Variants in SLC4A5 observed in about 807,000 individuals in gnomAD.
The protein encoded by SLC4A5 is solute carrier family 4 member 5.
In SLC4A5, 96 loss-of-function variants were observed where a neutral mutation model predicts 120.4. The ratio of observed to expected loss-of-function variants is 0.80; its 90% CI spans 0.68 to 0.94. SLC4A5 has a LOEUF of 0.94. Among genes scored for constraint, SLC4A5 ranks in the 40% least tolerant of loss-of-function variants. The pLI, the probability that SLC4A5 is intolerant of heterozygous loss-of-function variation, is 0.00. For missense variants in SLC4A5, 1,259 were observed against 1,459.5 expected (o/e 0.86, Z 2.24); for synonymous variants, 550 against 571.1 (o/e 0.96, Z 0.53).
intron 7 of SLC4A5, chr2:74,290,759 T>G: frequency 1.0e-6 from 1 of 986,210 alleles, no homozygotes; most frequent in Non-Finnish European, 1.2e-6. Flanking sequence ...AAGCCGGGTC[T>G]CCACAGCAGC....
intron 28 of SLC4A5, 56 bp downstream of exon 28, chr2:74,224,784 G>C: frequency 1.3e-6 from 2 of 1,575,080 alleles, no homozygotes; most frequent in Middle Eastern, 2.3e-4. Flanking sequence ...CCTGGCAAAA[G>C]TGGAGAGAAG....
intron 25 of SLC4A5, among the ~76,000 whole-genome samples, chr2:74,229,967 G>C (rs1369236655): frequency 1.4e-5 from 2 of 148,094 alleles, no homozygotes; most frequent in African/African-American, 5.0e-5. Context: ...CTGCAGCCTC[G>C]ACCTCCTGGA....
At chr2:74,298,199 C>G (rs1177405473) in intron 7 of SLC4A5, among the ~76,000 whole-genome samples, 2 of 152,126 alleles carry the variant, frequency 1.3e-5, no homozygotes, top group African/African-American at 4.8e-5. Context: ...GTAATCTAAA[C>G]AGTATGGTAC....
chr2:74,291,729 CAT>C (rs1672178506), intron 7 of SLC4A5, among the ~76,000 whole-genome samples: 1 of 152,226 alleles, frequency 6.6e-6, no homozygotes, highest in Admixed American at 6.5e-5. Flanking sequence ...CTCAGCCTCC[CAT>C]AGTGTTGGGA....
intron 8 of SLC4A5, among the ~76,000 whole-genome samples, chr2:74,281,471 AT>A (rs1179323841): frequency 6.6e-6 from 1 of 152,146 alleles, no homozygotes; most frequent in Non-Finnish European, 1.5e-5. Context: ...ACCCAATCTG[AT>A]CCAGCCCTCC....
At position 74,284,331 on chromosome 2, in the gene SLC4A5, C is replaced by T. The variant is rs1461356782; in HGVS notation, c.401+1442G>A. 9.4e-5 allele frequency among the ~76,000 whole-genome samples: 11 copies of T among 116,710 alleles called. 2 individuals are homozygous for T. The highest frequency in any genetic ancestry group is 7.6e-4 in the South Asian group (3 of 3,934). 76.6% of individuals were successfully genotyped at this position (116,710 alleles called of 152,430 possible). On this transcript the variant is annotated intron_variant, in intron 8 of 30. Coordinates refer to ENST00000394019, the Ensembl canonical transcript of SLC4A5. ...AGCTGGGACTACAGGCGCCCGCCAC[C>T]GCGCCCGGCTAATTTTTTTTTTGTA...
intron 27 of SLC4A5, among the ~76,000 whole-genome samples, chr2:74,226,467 C>T (rs1047140183): frequency 6.6e-6 from 1 of 152,350 alleles, no homozygotes; most frequent in South Asian, 2.1e-4. Context: ...TAACCTTTCC[C>T]TTGCTCAAGC....
At chr2:74,222,142 C>G (rs1694672234) in intron 29 of SLC4A5, among the ~76,000 whole-genome samples, 1 of 152,156 alleles carries the variant, frequency 6.6e-6, no homozygotes, top group South Asian at 2.1e-4. Context: ...TGCTATGCTA[C>G]CTATTTCTCT....
chr2:74,276,829 T>C (rs1478069270), intron 8 of SLC4A5, among the ~76,000 whole-genome samples: 2 of 151,926 alleles, frequency 1.3e-5, no homozygotes, highest in African/African-American at 2.4e-5. Flanking sequence ...AGATTCTCCA[T>C]GAAGAATTTG....
rs756882296 is a variant in SLC4A5 at position 74,262,127 on chromosome 2, A to G, written c.811+10T>C. ...TAAAGCTGCCACAGAGCGGCAGAGC[A>G]CACACTCACACAGACGTCCGTAATT... is the stretch of plus-strand genomic sequence containing the variant. On this transcript the variant is annotated intron_variant, in intron 11 of 30. Coordinates refer to ENST00000394019, the Ensembl canonical transcript of SLC4A5. 11 of 1,612,332 alleles carry G rather than the reference A, an allele frequency of 6.8e-6. No homozygotes were observed. Among genetic ancestry groups the G allele is most frequent in the Non-Finnish European group, 7.6e-6 (9 of 1,178,878 alleles).
chr2:74,317,612 C>T (rs1453535277), intron 5 of SLC4A5, among the ~76,000 whole-genome samples: 1 of 152,134 alleles, frequency 6.6e-6, no homozygotes, highest in Non-Finnish European at 1.5e-5. Context: ...CTGTAGGAGA[C>T]TAAAGCCAGG....
chr2:74,259,774 T>G, intron 11 of SLC4A5, 131 bp from the exon 12 acceptor site: 94 of 790,820 alleles, frequency 1.2e-4, no homozygotes, highest in Middle Eastern at 2.3e-4. Flanking sequence ...AATCCTGCAG[T>G]CCCCTTAAAC....
chr2:74,239,265 C>T, intron 21 of SLC4A5, 70 bp downstream of exon 21: 1 of 1,487,382 alleles, frequency 6.7e-7, no homozygotes, highest in South Asian at 1.1e-5. Context: ...GTCGGTGGAC[C>T]AGAACCCTCT....
chr2:74,270,043 G>T (rs1383967522), intron 8 of SLC4A5, among the ~76,000 whole-genome samples: 1 of 152,180 alleles, frequency 6.6e-6, no homozygotes, highest in African/African-American at 2.4e-5. Context: ...AGAATAGCCT[G>T]CATAAACACT....
intron 26 of SLC4A5, 184 bp downstream of exon 26, chr2:74,227,626 G>A: frequency 7.4e-7 from 1 of 1,342,360 alleles, no homozygotes; most frequent in Non-Finnish European, 1.0e-6. Flanking sequence ...CCTATGAAGT[G>A]CCTAACATAT....
intron 24 of SLC4A5, among the ~76,000 whole-genome samples, chr2:74,231,688 T>C (rs1670091732): frequency 1.3e-5 from 2 of 152,204 alleles, no homozygotes; most frequent in African/African-American, 4.8e-5. Context: ...ATTGTGAGGA[T>C]ACATGCGAGA....
rs192848747 is a variant in SLC4A5 at position 74,284,618 on chromosome 2, A to G, written c.401+1155T>C. Among the ~76,000 whole-genome samples, 19 of 152,216 alleles carry G rather than the reference A, an allele frequency of 1.2e-4. No homozygotes were observed. The East Asian group carries it at 3.7e-3, about 29-fold the overall frequency. On this transcript the variant is annotated intron_variant, in intron 8 of 30. Coordinates refer to ENST00000394019, the Ensembl canonical transcript of SLC4A5. Reference sequence around the variant, plus strand: ...TATCGGCAGTCTGTCTTCCTGTCCGAAGGTCCCTCCCGCTGCCTCTTACCA... The same window carrying G: ...TATCGGCAGTCTGTCTTCCTGTCCGGAGGTCCCTCCCGCTGCCTCTTACCA...
chr2:74,273,101 C>A (rs1392001799), intron 8 of SLC4A5, among the ~76,000 whole-genome samples: 1 of 152,166 alleles, frequency 6.6e-6, no homozygotes, highest in Non-Finnish European at 1.5e-5. Context: ...TCTCAGGGGA[C>A]TGACAATCAG....
At chr2:74,228,366 A>T (rs1441062704) in intron 25 of SLC4A5, among the ~76,000 whole-genome samples, 1 of 152,128 alleles carries the variant, frequency 6.6e-6, no homozygotes, top group Non-Finnish European at 1.5e-5. Context: ...GGTGGCTCAC[A>T]CCTGTAGTCC....
Sources: allele counts gnomAD v4.1 joint callset (sites outside exome capture counted in the v4.1 genomes callset), GRCh38; gene constraint gnomAD v4.1.1; transcripts MANE v1.5; gene names NCBI Gene and HGNC (gene_info 2026-07-23, HGNC 2026-07-21).